Variants in SLIT2 observed in about 807,000 individuals in gnomAD.
SLIT2 encodes the protein slit guidance ligand 2, also known as slit homolog 2 protein.
In SLIT2, 41 loss-of-function variants were observed where a neutral mutation model predicts 185.7. That is an observed-to-expected ratio of 0.22 (90% confidence interval 0.17 to 0.29). The LOEUF (loss-of-function observed/expected upper bound fraction) is 0.29. SLIT2 is among the 10% of genes least tolerant of loss of function. SLIT2 has a pLI of 1.00. For synonymous variants in SLIT2, 693 were observed against 680.2 expected (o/e 1.02, Z -0.29); for missense variants, 1,571 against 1,909.0 (o/e 0.82, Z 3.30).
chr4:20,385,501 G>A (rs1379000733), intron 4 of SLIT2, among the ~76,000 whole-genome samples: 1 of 152,134 alleles, frequency 6.6e-6, no homozygotes, highest in Non-Finnish European at 1.5e-5. Flanking sequence ...CTTGGCACAT[G>A]TTAAAGGAAA....
At chr4:20,362,051 G>T (rs185927618) in intron 4 of SLIT2, among the ~76,000 whole-genome samples, 1 of 152,050 alleles carries the variant, frequency 6.6e-6, no homozygotes. Context: ...ATATGGCTGC[G>T]TTCTCTTGGT....
chr4:20,498,932 T>C (rs1179492909), intron 9 of SLIT2, among the ~76,000 whole-genome samples: 1 of 152,224 alleles, frequency 6.6e-6, no homozygotes, highest in Non-Finnish European at 1.5e-5. Context: ...AGATACCCAG[T>C]AGTAGGATTG....
Position 20,253,703 on chromosome 4 carries a change from C to A in SLIT2, c.-113C>A. On this transcript the variant is annotated 5_prime_UTR_variant, in exon 1 of 37. Transcript: ENST00000504154. ...TATTTGGTGCACATTTTCCCTGGCACTCTGGGTTGCTAGCCCCGCCGGGCA... is the reference window on the plus strand; with the variant it reads ...TATTTGGTGCACATTTTCCCTGGCAATCTGGGTTGCTAGCCCCGCCGGGCA... 1.5e-6 allele frequency: 2 copies of A among 1,298,366 alleles called. No homozygotes were observed. The highest frequency in any genetic ancestry group is 1.3e-5 in the South Asian group (1 of 75,468). 80.4% of individuals were successfully genotyped at this position (1,298,366 alleles called of 1,614,324 possible). A position where few individuals can be genotyped will look rare whatever the true frequency, so the allele number is the denominator to read the frequency against.
At chr4:20,415,812 A>G (rs1037227903) in intron 4 of SLIT2, among the ~76,000 whole-genome samples, 1 of 152,208 alleles carries the variant, frequency 6.6e-6, no homozygotes, top group African/African-American at 2.4e-5. Context: ...GAGGAAACTG[A>G]AGCTCAAAGA....
chr4:20,457,383 C>T (rs912394223), intron 4 of SLIT2, among the ~76,000 whole-genome samples: 2 of 151,856 alleles, frequency 1.3e-5, no homozygotes, highest in African/African-American at 4.8e-5. Flanking sequence ...AATGTTCAAG[C>T]CCCGCCCCAG....
rs183292943 is a variant in SLIT2, at chr4:20,508,197, G to C, written c.915-2298G>C. 2.5e-3 allele frequency among the ~76,000 whole-genome samples: 387 copies of C among 152,046 alleles called. 1 individual carries two copies. The highest frequency in any genetic ancestry group is 8.9e-3 in the African/African-American group (371 of 41,518). ...CCACCTATTAGGAGCCAAAAACCCA[G>C]TTAGCAGGGATATGTGAAAACGAAT... On this transcript the variant is annotated intron_variant, in intron 9 of 36. Coordinates refer to ENST00000504154, the MANE Select transcript of SLIT2 (RefSeq NM_004787.4).
intron 26 of SLIT2, among the ~76,000 whole-genome samples, chr4:20,558,574 C>G (rs991380414): frequency 6.6e-6 from 1 of 152,032 alleles, no homozygotes; most frequent in African/African-American, 2.4e-5. Context: ...GCAATATTCA[C>G]TTTATTGCGG....
At chr4:20,440,115 G>C (rs1242590944) in intron 4 of SLIT2, among the ~76,000 whole-genome samples, 1 of 152,080 alleles carries the variant, frequency 6.6e-6, no homozygotes, top group Admixed American at 6.5e-5. Context: ...AAAGCAGTCT[G>C]CCGTATCTTT....
At chr4:20,291,492 A>ATTTTTTT (rs1157453738) in intron 4 of SLIT2, among the ~76,000 whole-genome samples, 3 of 18,268 alleles carry the variant, frequency 1.6e-4, no homozygotes, top group Admixed American at 9.9e-4. Context: ...ATATATATAT[A>ATTTTTTT]TTTTTTTTTT....
chr4:20,314,757 T>C (rs974865120), intron 4 of SLIT2, among the ~76,000 whole-genome samples: 3 of 152,116 alleles, frequency 2.0e-5, no homozygotes, highest in Non-Finnish European at 4.4e-5. Context: ...GAAAAAATGA[T>C]GTTAACAGGT....
intron 10 of SLIT2, 152 bp downstream of exon 10, chr4:20,510,718 T>G: frequency 3.5e-6 from 2 of 566,982 alleles, no homozygotes; most frequent in Non-Finnish European, 6.2e-6. Flanking sequence ...TAATAATATT[T>G]TAATCTTAAT....
At chr4:20,469,110 C>G (rs1373234794) in intron 5 of SLIT2, among the ~76,000 whole-genome samples, 1 of 152,004 alleles carries the variant, frequency 6.6e-6, no homozygotes, top group African/African-American at 2.4e-5. Flanking sequence ...TTTCTTTTTA[C>G]TTTTGCTAGT....
chr4:20,612,427 G>A (rs1729295753), intron 34 of SLIT2, among the ~76,000 whole-genome samples: 1 of 151,974 alleles, frequency 6.6e-6, no homozygotes, highest in African/African-American at 2.4e-5. Context: ...AGGCCTCAAG[G>A]AAACCACTTT....
chr4:20,394,514 T>A (rs536677871), intron 4 of SLIT2: 1 of 152,120 alleles, frequency 6.6e-6, no homozygotes, highest in East Asian at 1.9e-4. Flanking sequence ...AATGGGATTT[T>A]TTTTTTCTAA....
chr4:20,280,025 C>G (rs2109053113), intron 4 of SLIT2, among the ~76,000 whole-genome samples: 1 of 152,180 alleles, frequency 6.6e-6, no homozygotes, highest in South Asian at 2.1e-4. Flanking sequence ...GAAAAAAGCA[C>G]TGGATCAGAA....
At chr4:20,427,928 GA>G (rs1220385998) in intron 4 of SLIT2, among the ~76,000 whole-genome samples, 1 of 152,102 alleles carries the variant, frequency 6.6e-6, no homozygotes, top group African/African-American at 2.4e-5. Flanking sequence ...GGACTGAGAA[GA>G]GAAGAAAACC....
Position 20,510,525 on chromosome 4 carries a change from C to T in SLIT2, c.945C>T (p.Ile315=), listed in dbSNP as rs775236461. 1.4e-5 allele frequency: 22 copies of T among 1,611,164 alleles called. No individual in the cohort carries two copies. Among genetic ancestry groups the T allele is most frequent in the Non-Finnish European group, 1.8e-5 (21 of 1,177,966 alleles). ...IRLEQNTIKV[I]PPGAFSPYKK... ...TGGAACAGAACACAATCAAAGTCAT[C>T]CCTCCTGGAGCTTTCTCACCATATA... Residue 315 remains isoleucine (I), a synonymous_variant, in exon 10 of 37, where the codon ATC becomes ATT. Transcript: ENST00000504154.
At chr4:20,530,343 C>G (rs1279907310) in intron 16 of SLIT2, among the ~76,000 whole-genome samples, 1 of 151,928 alleles carries the variant, frequency 6.6e-6, no homozygotes. Context: ...AATCACAGCT[C>G]CCTGTAGCCT....
At chr4:20,341,677 T>C (rs1168519453) in intron 4 of SLIT2, among the ~76,000 whole-genome samples, 1 of 152,126 alleles carries the variant, frequency 6.6e-6, no homozygotes, top group African/African-American at 2.4e-5. Flanking sequence ...CCTAAAACTG[T>C]GAGGTTGAAA....
Sources: gnomAD v4.1 joint callset for allele counts (sites outside exome capture counted in the v4.1 genomes callset) on GRCh38, gnomAD v4.1.1 for gene constraint, MANE v1.5 for transcripts, NCBI Gene and HGNC (gene_info 2026-07-23, HGNC 2026-07-21) for gene names.